Variants in GOLGA8J observed in about 807,000 individuals in gnomAD.
GOLGA8J encodes golgin subfamily A member 8J.
In GOLGA8J, 19 loss-of-function variants were observed where a neutral mutation model predicts 67.7. That is an observed-to-expected ratio of 0.28 (90% CI 0.20 to 0.41). The LOEUF (loss-of-function observed/expected upper bound fraction) is 0.41, where lower values mean the gene tolerates loss of function less well. GOLGA8J is among the 10% of genes least tolerant of loss of function. The probability of loss-of-function intolerance (pLI) is 1.00; values close to 1 mark genes in which losing one functional copy is unlikely to be tolerated. For synonymous variants in GOLGA8J, 69 were observed against 215.9 expected, an observed-to-expected ratio of 0.32 and a Z score of 5.97; for missense variants, 205 against 584.3, an observed-to-expected ratio of 0.35 and a Z score of 6.69.
rs571091035 is a variant in GOLGA8J, at chr15:30,091,954, G to A, written c.1277-88G>A. 278 of 1,377,574 alleles carry A rather than the reference G, an allele frequency of 2.0e-4. 1 individual carries two copies. In the African/African-American group the frequency reaches 3.7e-3, roughly 18 times the overall value. 85.3% of individuals were successfully genotyped at this position (1,377,574 alleles called of 1,614,324 possible). ...CCTCTCTGGGGAGGGGCAGGCTCAGGGTTACACAGTGAGGGTGGAGGTAGA... is the reference window on the plus strand; with the variant it reads ...CCTCTCTGGGGAGGGGCAGGCTCAGAGTTACACAGTGAGGGTGGAGGTAGA... On this transcript the variant is annotated intron_variant, in intron 14 of 18. Transcript: ENST00000567927.
At chr15:30,090,686 C>CAAAAAAA (rs71270989) in intron 13 of GOLGA8J, among the ~76,000 whole-genome samples, 8 of 59,400 alleles carry the variant, frequency 1.3e-4, no homozygotes, top group African/African-American at 6.3e-4. Context: ...ACTAAAATTA[C>CAAAAAAA]AAAAAAAAAA....
At position 30,095,577 on chromosome 15, in the gene GOLGA8J, T is replaced by G. The variant is rs1364354763; in HGVS notation, c.*2078T>G. On this transcript the variant is annotated 3_prime_UTR_variant, in exon 19 of 19. Coordinates refer to ENST00000567927, the MANE Select transcript of GOLGA8J (RefSeq NM_001282472.2). ...TCTGAACTTGCCGCTTTTGCATTCTTTGAGTTCAGTTTAAAGACAGTTACT... is the reference window on the plus strand; with the variant it reads ...TCTGAACTTGCCGCTTTTGCATTCTGTGAGTTCAGTTTAAAGACAGTTACT... 7.2e-5 allele frequency among the ~76,000 whole-genome samples: 9 copies of G among 124,874 alleles called. No individual in the cohort carries two copies. Among genetic ancestry groups the G allele is most frequent in the African/African-American group, 2.3e-4 (7 of 30,570 alleles). 81.9% of individuals were successfully genotyped at this position (124,874 alleles called of 152,430 possible). A position where few individuals can be genotyped will look rare whatever the true frequency, so the allele number is the denominator to read the frequency against.
intron 13 of GOLGA8J, 131 bp downstream of exon 13, chr15:30,090,411 C>T: frequency 6.6e-7 from 1 of 1,526,510 alleles, no homozygotes; most frequent in Non-Finnish European, 8.8e-7. Flanking sequence ...CCCCCCAGGG[C>T]AGTCCTGTGA....
At position 30,096,459 on chromosome 15, in the gene GOLGA8J, T is replaced by C. The variant is rs1174423893; in HGVS notation, c.*2960T>C. 2.8e-4 allele frequency among the ~76,000 whole-genome samples: 41 copies of C among 148,042 alleles called. No homozygotes were observed. The highest frequency in any genetic ancestry group is 7.4e-4 in the Admixed American group (11 of 14,896). ...AAATAATTTAAAACATTTTAAAATA[T>C]GAATACTGTAGTATAAAAGAAAGAA... On this transcript the variant is annotated 3_prime_UTR_variant, in exon 19 of 19. Coordinates refer to ENST00000567927, the MANE Select transcript of GOLGA8J (RefSeq NM_001282472.2).
At position 30,096,326 on chromosome 15, in the gene GOLGA8J, A is replaced by G. The variant is rs1222033825; in HGVS notation, c.*2827A>G. ...AAAGCTGATTTTAGAAAATTTGAAA[A>G]TGTAAATCAGCCCTATCCATAATAT... On this transcript the variant is annotated 3_prime_UTR_variant, in exon 19 of 19. Coordinates refer to ENST00000567927, the MANE Select transcript of GOLGA8J (RefSeq NM_001282472.2). Among the ~76,000 whole-genome samples, 2 of 151,062 alleles carry G rather than the reference A, an allele frequency of 1.3e-5. No homozygotes were observed. The highest frequency in any genetic ancestry group is 4.9e-5 in the African/African-American group (2 of 40,790).
In GOLGA8J at chr15:30,093,769, C is replaced by T. The variant is rs2140584291; in HGVS notation, c.*270C>T. 8.2e-6 allele frequency among the ~76,000 whole-genome samples: 1 copy of T among 121,576 alleles called. No individual in the cohort carries two copies. The highest frequency in any genetic ancestry group is 2.5e-4 in the East Asian group (1 of 4,048). The allele number at this position is 121,576 out of a possible 152,430, so 79.8% of individuals were successfully genotyped here. ...GTCATTAGCGTGCATATCGAGTTTG[C>T]CCTTACGTGGTGGGAGTTCAAACAC... On this transcript the variant is annotated 3_prime_UTR_variant, in exon 19 of 19. Transcript: ENST00000567927.
Position 30,094,662 on chromosome 15 carries a change from A to G in GOLGA8J, c.*1163A>G, listed in dbSNP as rs866984191. Among the ~76,000 whole-genome samples, 2 of 126,238 alleles carry G rather than the reference A, an allele frequency of 1.6e-5. No homozygotes were observed. The highest frequency in any genetic ancestry group is 4.8e-5 in the African/African-American group (1 of 20,828). 82.8% of individuals were successfully genotyped at this position (126,238 alleles called of 152,430 possible). A position where few individuals can be genotyped will look rare whatever the true frequency, so the allele number is the denominator to read the frequency against. ...GGCTTGAAGATTGATTTTACCATCT[A>G]GACCTCTTTGGCTAATACCTATTCT... On this transcript the variant is annotated 3_prime_UTR_variant, in exon 19 of 19. Coordinates refer to ENST00000567927, the MANE Select transcript of GOLGA8J (RefSeq NM_001282472.2).
chr15:30,093,268 A>C, intron 18 of GOLGA8J, 29 bp downstream of exon 18: 8 of 1,573,176 alleles, frequency 5.1e-6, no homozygotes, highest in Non-Finnish European at 5.1e-6. Context: ...TGGGGTGGGC[A>C]GGCAGGAAGA....
chr15:30,089,576 C>T, intron 11 of GOLGA8J, 124 bp from the exon 12 acceptor site: 4 of 675,248 alleles, frequency 5.9e-6, no homozygotes, highest in Non-Finnish European at 9.6e-6. Flanking sequence ...TGGCTACCAT[C>T]TGGGTGCGAG....
Position 30,095,321 on chromosome 15 carries a change from AC to A in GOLGA8J, c.*1824del, listed in dbSNP as rs1315111803. 1.5e-5 allele frequency among the ~76,000 whole-genome samples: 2 copies of A among 134,986 alleles called. No individual in the cohort carries two copies. The highest frequency in any genetic ancestry group is 3.1e-5 in the Non-Finnish European group (2 of 64,304). The allele number at this position is 134,986 out of a possible 152,430, so 88.6% of individuals were successfully genotyped here. A position where few individuals can be genotyped will look rare whatever the true frequency, so the allele number is the denominator to read the frequency against. Reference sequence around the variant, plus strand: ...AACAGGAGAGCAACAATACGATTTTACCGATGGAATAACAGATTTGCTGGCA... The same window carrying A: ...AACAGGAGAGCAACAATACGATTTTACGATGGAATAACAGATTTGCTGGCA... On this transcript the variant is annotated 3_prime_UTR_variant, in exon 19 of 19. Transcript: ENST00000567927.
chr15:30,089,641 G>A, intron 11 of GOLGA8J, 59 bp from the exon 12 acceptor site: 1 of 1,245,886 alleles, frequency 8.0e-7, no homozygotes, highest in Non-Finnish European at 1.1e-6. Flanking sequence ...TGTGCGCCAA[G>A]AGGAGGGTTT....
Position 30,089,974 on chromosome 15 carries a change from G to C in GOLGA8J, c.1131+18G>C. 6.6e-7 allele frequency: 1 copy of C among 1,516,012 alleles called. No homozygotes were observed. Among genetic ancestry groups the C allele is most frequent in the Non-Finnish European group, 8.7e-7 (1 of 1,143,386 alleles). The allele number at this position is 1,516,012 out of a possible 1,614,324, so 93.9% of individuals were successfully genotyped here. ...AGGAGCCGGTGCGTTGCCCAAACTG[G>C]GGAGCTTGCCCTCCTCCCTAGACCT... is the stretch of plus-strand genomic sequence containing the variant. On this transcript the variant is annotated intron_variant, in intron 12 of 18. Coordinates refer to ENST00000567927, the MANE Select transcript of GOLGA8J (RefSeq NM_001282472.2).
In GOLGA8J at chr15:30,095,474, T is replaced by A. The variant is rs1169176267; in HGVS notation, c.*1975T>A. ...TAAAGAAAAAATTTAGACCAAATAA[T>A]GCAGCTAATTAACAGTGGTACGATT... On this transcript the variant is annotated 3_prime_UTR_variant, in exon 19 of 19. Transcript: ENST00000567927. 4.1e-5 allele frequency among the ~76,000 whole-genome samples: 6 copies of A among 146,762 alleles called. No homozygotes were observed. The highest frequency in any genetic ancestry group is 6.8e-5 in the Admixed American group (1 of 14,724).
Position 30,091,951 on chromosome 15 carries a change from C to T in GOLGA8J, c.1277-91C>T, listed in dbSNP as rs1178826881. The T allele has an allele frequency of 1.7e-4, 222 of 1,345,228 alleles. 1 individual carries two copies. The African/African-American group carries it at 2.8e-3, about 17-fold the overall frequency. The allele number at this position is 1,345,228 out of a possible 1,614,324, so 83.3% of individuals were successfully genotyped here. On this transcript the variant is annotated intron_variant, in intron 14 of 18. Coordinates refer to ENST00000567927, the MANE Select transcript of GOLGA8J (RefSeq NM_001282472.2). Reference sequence around the variant, plus strand: ...ATTCCTCTCTGGGGAGGGGCAGGCTCAGGGTTACACAGTGAGGGTGGAGGT... The same window carrying T: ...ATTCCTCTCTGGGGAGGGGCAGGCTTAGGGTTACACAGTGAGGGTGGAGGT...
rs978085756 is a variant in GOLGA8J at position 30,095,239 on chromosome 15, G to C, written c.*1740G>C. ...CTGCGGTGGGGATTTCTAGTTACTA[G>C]ATCATCTCCATTTTTAGCATTTGGC... On this transcript the variant is annotated 3_prime_UTR_variant, in exon 19 of 19. Transcript: ENST00000567927. Among the ~76,000 whole-genome samples, 1 of 134,458 alleles carries C rather than the reference G, an allele frequency of 7.4e-6. No homozygotes were observed. Among genetic ancestry groups the C allele is most frequent in the African/African-American group, 3.0e-5 (1 of 33,404 alleles). 88.2% of individuals were successfully genotyped at this position (134,458 alleles called of 152,430 possible). A position where few individuals can be genotyped will look rare whatever the true frequency, so the allele number is the denominator to read the frequency against.
In GOLGA8J at chr15:30,088,075, G is replaced by C; in HGVS notation, c.591+391G>C. On this transcript the variant is annotated intron_variant, in intron 8 of 18. Transcript: ENST00000567927. The stretch of plus-strand genomic sequence containing the variant: ...TGCGTGTGTGTGTGTGTGTGTGTGT[G>C]TGTGCATACTGTGATAATATACATA... 5.4e-5 allele frequency: 26 copies of C among 480,796 alleles called. 1 individual carries two copies. Among genetic ancestry groups the C allele is most frequent in the South Asian group, 4.4e-4 (26 of 59,044 alleles). 29.8% of individuals were successfully genotyped at this position (480,796 alleles called of 1,614,324 possible).
chr15:30,088,602 A>T, intron 8 of GOLGA8J, 138 bp from the exon 9 acceptor site: 1 of 824,988 alleles, frequency 1.2e-6, no homozygotes, highest in East Asian at 2.7e-5. Flanking sequence ...TCTTTTAAAA[A>T]CCAGACCACG....
chr15:30,084,946 G>C, intron 2 of GOLGA8J, 56 bp downstream of exon 2: 1 of 1,493,790 alleles, frequency 6.7e-7, no homozygotes. Context: ...GCAGTAGAGG[G>C]TAATTGTTAA....
rs2057454754 is a variant in GOLGA8J at position 30,095,043 on chromosome 15, G to A, written c.*1544G>A. 6.8e-6 allele frequency among the ~76,000 whole-genome samples: 1 copy of A among 147,020 alleles called. No individual in the cohort carries two copies. Among genetic ancestry groups the A allele is most frequent in the South Asian group, 2.1e-4 (1 of 4,708 alleles). ...GGGACATATTTTGTGCAATATTTAT[G>A]TGATTGTGCCTATGCATGATGAATG... On this transcript the variant is annotated 3_prime_UTR_variant, in exon 19 of 19. Coordinates refer to ENST00000567927, the MANE Select transcript of GOLGA8J (RefSeq NM_001282472.2).
Sources: gnomAD v4.1 joint callset for allele counts (sites outside exome capture counted in the v4.1 genomes callset) on GRCh38, gnomAD v4.1.1 for gene constraint, MANE v1.5 for transcripts, NCBI Gene and HGNC (gene_info 2026-07-23, HGNC 2026-07-21) for gene names.